Variants in DGKB observed in about 807,000 individuals in gnomAD.
DGKB encodes the protein diacylglycerol kinase beta.
DGKB carries 67 observed loss-of-function variants against 114.3 expected under a neutral mutation model. That is an observed-to-expected ratio of 0.59 (90% confidence interval 0.48 to 0.72). The LOEUF (loss-of-function observed/expected upper bound fraction) is 0.72. Ranked by LOEUF, DGKB falls within the 30% of genes least tolerant of loss-of-function variation. The pLI is 0.00. For missense variants in DGKB, 907 were observed against 975.2 expected, an observed-to-expected ratio of 0.93 and a Z score of 0.93; for synonymous variants, 398 against 323.1, an observed-to-expected ratio of 1.23 and a Z score of -2.49.
At chr7:14,307,042 T>G (rs990226789) in intron 23 of DGKB, among the ~76,000 whole-genome samples, 1 of 152,202 alleles carries the variant, frequency 6.6e-6, no homozygotes, top group Non-Finnish European at 1.5e-5. Context: ...TTTCTCATTA[T>G]AGCACTTATC....
intron 2 of DGKB, among the ~76,000 whole-genome samples, chr7:14,824,407 G>A (rs531028892): frequency 1.3e-5 from 2 of 152,194 alleles, no homozygotes; most frequent in African/African-American, 4.8e-5. Flanking sequence ...ACGTGTAAGG[G>A]AGAAAAAGTA....
intron 21 of DGKB, among the ~76,000 whole-genome samples, chr7:14,418,444 G>A (rs1826142202): frequency 8.1e-6 from 1 of 122,718 alleles, no homozygotes. Context: ...ATGGCAGAGT[G>A]TAAAATAGCA....
chr7:14,221,301 T>A (rs1396856437), intron 23 of DGKB, among the ~76,000 whole-genome samples: 1 of 151,436 alleles, frequency 6.6e-6, no homozygotes. Context: ...AAGTATGATA[T>A]TAGTTGTGGG....
chr7:14,838,278 G>A (rs1216606592), intron 2 of DGKB, among the ~76,000 whole-genome samples: 1 of 151,944 alleles, frequency 6.6e-6, no homozygotes, highest in Non-Finnish European at 1.5e-5. Context: ...CAATTCAAAT[G>A]GAATTTCTAT....
chr7:14,590,381 G>C (rs1010517039), intron 17 of DGKB, among the ~76,000 whole-genome samples: 15 of 152,004 alleles, frequency 9.9e-5, no homozygotes, highest in African/African-American at 3.4e-4. Context: ...TTCCCACCGA[G>C]CTAACTGTTT....
At chr7:14,649,594 G>A (rs1813963653) in intron 13 of DGKB, among the ~76,000 whole-genome samples, 1 of 151,748 alleles carries the variant, frequency 6.6e-6, no homozygotes. Context: ...CAACTAACGA[G>A]CAAAATCACC....
chr7:14,892,861 T>C (rs552064274), intron 1 of DGKB, among the ~76,000 whole-genome samples: 3 of 36,826 alleles, frequency 8.1e-5, no homozygotes, highest in South Asian at 2.5e-3. Context: ...ACCATATATA[T>C]ATATGTGTGT....
At chr7:14,549,568 T>C (rs1794812512) in intron 20 of DGKB, among the ~76,000 whole-genome samples, 1 of 152,182 alleles carries the variant, frequency 6.6e-6, no homozygotes, top group Non-Finnish European at 1.5e-5. Flanking sequence ...TGGTTCAGTA[T>C]TCAAAACCCA....
At chr7:14,372,141 G>C (rs899727700) in intron 21 of DGKB, among the ~76,000 whole-genome samples, 4 of 152,140 alleles carry the variant, frequency 2.6e-5, no homozygotes, top group Admixed American at 2.0e-4. Flanking sequence ...GGTCTAGGTT[G>C]CTCAGATCTT....
At chr7:14,721,057 TTTTCCAA>T (rs1220258322) in intron 5 of DGKB, among the ~76,000 whole-genome samples, 1 of 152,206 alleles carries the variant, frequency 6.6e-6, no homozygotes, top group African/African-American at 2.4e-5. Context: ...GCTAATCCTC[TTTTCCAA>T]TGTTTCCCCC....
chr7:14,614,708 G>A (rs1360133155), intron 15 of DGKB, among the ~76,000 whole-genome samples: 8 of 151,986 alleles, frequency 5.3e-5, no homozygotes, highest in African/African-American at 1.4e-4. Flanking sequence ...CCACATTACC[G>A]AAGTGGGAAG....
At chr7:14,965,896 T>C (rs1366215564) in intron 1 of DGKB, among the ~76,000 whole-genome samples, 1 of 152,118 alleles carries the variant, frequency 6.6e-6, no homozygotes, top group Non-Finnish European at 1.5e-5. Flanking sequence ...ATTTTGCTCT[T>C]TTCATTACAT....
At chr7:14,944,865 G>A (rs1159357589) in intron 1 of DGKB, among the ~76,000 whole-genome samples, 1 of 151,730 alleles carries the variant, frequency 6.6e-6, no homozygotes, top group Non-Finnish European at 1.5e-5. Context: ...TATACCATAA[G>A]TATATCATAA....
intron 21 of DGKB, among the ~76,000 whole-genome samples, chr7:14,464,488 A>T (rs766840726): frequency 2.0e-5 from 3 of 152,196 alleles, no homozygotes; most frequent in Non-Finnish European, 4.4e-5. Context: ...AAAACCAAAC[A>T]AATTATGACA....
chr7:14,872,504 C>T (rs185501719), intron 1 of DGKB, among the ~76,000 whole-genome samples: 40 of 152,224 alleles, frequency 2.6e-4, no homozygotes, highest in African/African-American at 9.1e-4. Context: ...GTTATATGCA[C>T]TCTCTATGCT....
intron 21 of DGKB, among the ~76,000 whole-genome samples, chr7:14,412,060 G>C (rs1256332760): frequency 6.6e-6 from 1 of 152,134 alleles, no homozygotes; most frequent in East Asian, 1.9e-4. Flanking sequence ...ATAAAGGGCA[G>C]GTATTTCTGT....
chr7:14,187,994 T>G (rs1368510956), intron 23 of DGKB, among the ~76,000 whole-genome samples: 1 of 151,506 alleles, frequency 6.6e-6, no homozygotes, highest in Admixed American at 6.6e-5. Context: ...TCAACAAAGA[T>G]GTATATAAAA....
At chr7:14,740,901 G>A (rs1326383947) in intron 4 of DGKB, among the ~76,000 whole-genome samples, 1 of 152,096 alleles carries the variant, frequency 6.6e-6, no homozygotes, top group Non-Finnish European at 1.5e-5. Flanking sequence ...GAAGGAAAGA[G>A]GAAGCTTTTT....
In DGKB at chr7:14,501,055, A is replaced by C. The variant is rs549944202; in HGVS notation, c.1771-22830T>G. Among the ~76,000 whole-genome samples, 242 of 151,956 alleles carry C rather than the reference A, an allele frequency of 1.6e-3. 1 individual carries two copies. Among genetic ancestry groups the C allele is most frequent in the African/African-American group, 5.6e-3 (232 of 41,514 alleles). ...GCTTGATGAGTTTGAGGATAAAACT[A>C]TTTCTCATCCTGAGATACTCCCAGA... On this transcript the variant is annotated intron_variant, in intron 20 of 25. Coordinates refer to ENST00000402815, the MANE Select transcript of DGKB (RefSeq NM_001350709.2).
Sources: allele counts gnomAD v4.1 joint callset (sites outside exome capture counted in the v4.1 genomes callset), GRCh38; gene constraint gnomAD v4.1.1; transcripts MANE v1.5; gene names NCBI Gene and HGNC (gene_info 2026-07-23, HGNC 2026-07-21).